The following MYB variants were observed in gnomAD, a reference collection of about 807,000 sequenced individuals.
The protein encoded by MYB is transcriptional activator Myb.
Under a neutral mutation model 92.9 loss-of-function variants are expected in MYB, and 28 were observed. The ratio of observed to expected loss-of-function variants is 0.30; its 90% CI spans 0.22 to 0.41. The LOEUF (loss-of-function observed/expected upper bound fraction) is 0.41. Among genes scored for constraint, MYB ranks in the 10% least tolerant of loss-of-function variants. MYB has a pLI of 1.00. For missense variants in MYB, 679 were observed against 929.3 expected (o/e 0.73, Z 3.50); for synonymous variants, 295 against 329.1 (o/e 0.90, Z 1.12).
chr6:135,216,881 C>G (rs928877265), intron 15 of MYB, among the ~76,000 whole-genome samples: 2 of 152,186 alleles, frequency 1.3e-5, no homozygotes, highest in African/African-American at 4.8e-5. Flanking sequence ...CACCACTTAC[C>G]TACAGAGTGG....
At chr6:135,186,050 A>G in intron 2 of MYB, 30 bp downstream of exon 2, 3 of 1,580,572 alleles carry the variant, frequency 1.9e-6, no homozygotes, top group Non-Finnish European at 2.6e-6. Flanking sequence ...AGACGCAGAA[A>G]ATAGATAGAG....
At chr6:135,184,448 C>G (rs1775659133) in intron 1 of MYB, among the ~76,000 whole-genome samples, 1 of 149,044 alleles carries the variant, frequency 6.7e-6, no homozygotes, top group Admixed American at 6.8e-5. Context: ...TTTCAAAACA[C>G]AGACACTAAA....
In MYB at chr6:135,217,933, G is replaced by A; in HGVS notation, c.2239G>A (p.Ala747Thr). The A allele has an allele frequency of 1.2e-6, 2 of 1,613,552 alleles. No homozygotes were observed. The highest frequency in any genetic ancestry group is 1.7e-6 in the Non-Finnish European group (2 of 1,179,594). ...MEEQMTSSSQ[A>T]RKYVNAFSAR... ...GGAGCAGATGACATCTTCCAGTCAAGCTCGTAAATACGTGAATGCATTCTC... is the reference window on the plus strand; with the variant it reads ...GGAGCAGATGACATCTTCCAGTCAAACTCGTAAATACGTGAATGCATTCTC... Residue 747 changes from alanine (A) to threonine (T), a missense_variant, in exon 16 of 16, where the codon GCT becomes ACT. Coordinates refer to ENST00000341911, the MANE Select transcript of MYB (RefSeq NM_001130173.2).
At chr6:135,198,333 G>A (rs535812903) in intron 10 of MYB, among the ~76,000 whole-genome samples, 13 of 152,240 alleles carry the variant, frequency 8.5e-5, no homozygotes, top group African/African-American at 2.4e-4. Context: ...ATATGCCGTT[G>A]TGCCTTGTGA....
rs772692025 is a variant in MYB at position 135,187,847 on chromosome 6, A to G, written c.155A>G (p.Lys52Arg). The change falls in exon 3 of 16, where the codon AAG (lysine) becomes AGG (arginine). Residue 52 changes from lysine to arginine, a missense_variant. This residue lies in a region of MYB where 88 missense variants were observed against 145.6 expected (regional missense o/e 0.60). Coordinates refer to ENST00000341911, the MANE Select transcript of MYB (RefSeq NM_001130173.2). Reference protein sequence around the residue: ...RWTREEDEKLKKLVEQNGTDD... With the variant: ...RWTREEDEKLRKLVEQNGTDD... ...TAAATGTCTTAGGATGAAAAACTGA[A>G]GAAGCTGGTGGAACAGAATGGAACA... is the stretch of plus-strand genomic sequence containing the variant. 2 of 1,608,104 alleles carry G rather than the reference A, an allele frequency of 1.2e-6. No homozygotes were observed.
chr6:135,184,567 A>G (rs9494173), intron 1 of MYB, among the ~76,000 whole-genome samples: 7,751 of 152,040 alleles, frequency 0.051, 675 homozygotes, highest in African/African-American at 0.18. Context: ...CTGGACTATC[A>G]GATTGTTGCT....
chr6:135,211,747 G>A (rs2128318534), intron 15 of MYB, among the ~76,000 whole-genome samples: 1 of 152,308 alleles, frequency 6.6e-6, no homozygotes. Flanking sequence ...GCAATTGTTA[G>A]TTAGGCTTGG....
chr6:135,210,882 C>T (rs1779613051), intron 15 of MYB, among the ~76,000 whole-genome samples: 1 of 152,106 alleles, frequency 6.6e-6, no homozygotes, highest in Non-Finnish European at 1.5e-5. Context: ...AGGCAAGGAG[C>T]CCTCACCAAA....
chr6:135,195,331 C>CTCGGTGGTCGCCGCATCATTAA, intron 8 of MYB: 1 of 254,514 alleles, frequency 3.9e-6, no homozygotes, highest in South Asian at 4.6e-5. Context: ...ATGTGTAGAT[C>CTCGGTGGTCGCCGCATCATTAA]AAAGCAACTC....
rs540205784 is a variant in MYB at position 135,195,798 on chromosome 6, C to T, written c.999C>T (p.Ala333=). The T allele has an allele frequency of 5.6e-6, 9 of 1,614,186 alleles. No homozygotes were observed. The highest frequency in any genetic ancestry group is 1.3e-5 in the African/African-American group (1 of 75,048). Residue 333 remains alanine (A), a synonymous_variant, in exon 9 of 16, where the codon GCC becomes GCT. Coordinates refer to ENST00000341911, the MANE Select transcript of MYB (RefSeq NM_001130173.2). ...SYPGWHSTTI[A]DHTRPHGDSA... is the part of the protein sequence containing the mutation. ...CCGGGTGGCACAGCACCACCATTGCCGACCACACCAGACCTCATGGAGACA... is the reference window on the plus strand; with the variant it reads ...CCGGGTGGCACAGCACCACCATTGCTGACCACACCAGACCTCATGGAGACA...
At position 135,182,747 on chromosome 6, in the gene MYB, C is replaced by A. The variant is rs1042972739; in HGVS notation, c.23+1211C>A. 2.0e-5 allele frequency among the ~76,000 whole-genome samples: 3 copies of A among 152,138 alleles called. No individual in the cohort carries two copies. Among genetic ancestry groups the A allele is most frequent in the African/African-American group, 7.2e-5 (3 of 41,450 alleles). ...TTTCTCCTACTGGTTTGTTGTTGAG[C>A]CTGCGGGCGCTGGTCCCCGCGCGGC... On this transcript the variant is annotated intron_variant, in intron 1 of 15. Transcript: ENST00000341911. The surrounding 1 kb of genome is among the most constrained non-coding windows in gnomAD (Gnocchi z 5.6).
chr6:135,195,117 A>C (rs1777128023), intron 8 of MYB: 1 of 1,246,378 alleles, frequency 8.0e-7, no homozygotes, highest in South Asian at 1.3e-5. Context: ...TTTTTTGTTA[A>C]ATAATAAGAT....
At chr6:135,212,625 C>T (rs55666563) in intron 15 of MYB, among the ~76,000 whole-genome samples, 1 of 152,104 alleles carries the variant, frequency 6.6e-6, no homozygotes, top group East Asian at 1.9e-4. Context: ...GATGACTCCC[C>T]GGCCACAGGA....
At chr6:135,199,215 T>C (rs1001133971) in intron 11 of MYB, among the ~76,000 whole-genome samples, 165 bp downstream of exon 11, 1 of 152,192 alleles carries the variant, frequency 6.6e-6, no homozygotes, top group African/African-American at 2.4e-5. Context: ...CCTGGGCATA[T>C]TACAACTACC....
rs1775131181 is a variant in MYB, at chr6:135,182,043, A to T, written c.23+507A>T. On this transcript the variant is annotated intron_variant, in intron 1 of 15. Coordinates refer to ENST00000341911, the MANE Select transcript of MYB (RefSeq NM_001130173.2). The surrounding 1 kb of genome is among the most constrained non-coding windows in gnomAD (Gnocchi z 5.6). ...ATTTCATTCATTCTTTATGGAGGCG[A>T]GGACCAGTGTCAGCTGACAGGCGGC... 6.6e-6 allele frequency among the ~76,000 whole-genome samples: 1 copy of T among 152,210 alleles called. No individual in the cohort carries two copies. The highest frequency in any genetic ancestry group is 2.4e-5 in the African/African-American group (1 of 41,456).
Position 135,212,113 on chromosome 6 carries a change from A to G in MYB, c.2170-5751A>G, listed in dbSNP as rs531756353. Among the ~76,000 whole-genome samples, 6 of 152,174 alleles carry G rather than the reference A, an allele frequency of 3.9e-5. No individual in the cohort carries two copies. In the South Asian group the frequency reaches 1.2e-3, roughly 32 times the overall value. On this transcript the variant is annotated intron_variant, in intron 15 of 15. Coordinates refer to ENST00000341911, the MANE Select transcript of MYB (RefSeq NM_001130173.2). ...TTTTTTTTCAGATAGGTGAAATAGA[A>G]TAAGCAGAAAATTCTTATTTTTTAC...
At chr6:135,183,006 GTTTTTTTTT>G (rs3071602) in intron 1 of MYB, among the ~76,000 whole-genome samples, 1 of 92,440 alleles carries the variant, frequency 1.1e-5, no homozygotes, top group Non-Finnish European at 2.1e-5. Flanking sequence ...GGGGTCATCT[GTTTTTTTTT>G]TTTTTTTTTT....
chr6:135,217,335 G>C (rs140659814), intron 15 of MYB, among the ~76,000 whole-genome samples: 1 of 150,782 alleles, frequency 6.6e-6, no homozygotes, highest in Non-Finnish European at 1.5e-5. Flanking sequence ...CACCAATACC[G>C]ATCAGCCTGG....
Position 135,189,800 on chromosome 6 carries a change from G to A in MYB, c.223G>A (p.Asp75Asn). The A allele has an allele frequency of 6.2e-7, 1 of 1,613,934 alleles. No individual in the cohort carries two copies. Among genetic ancestry groups the A allele is most frequent in the South Asian group, 1.1e-5 (1 of 91,072 alleles). ...TACTTTATTTGTCTAGAATCGAACA[G>A]ATGTGCAGTGCCAGCACCGATGGCA... ...VIANYLPNRT[D>N]VQCQHRWQKV... The change falls in exon 4 of 16, where the codon GAT becomes AAT. Residue 75 changes from aspartate to asparagine, a missense_variant. Around this residue, in one of 8 missense-constraint regions of MYB, gnomAD observed 88 missense variants for 145.6 expected, o/e 0.60. Coordinates refer to ENST00000341911, the MANE Select transcript of MYB (RefSeq NM_001130173.2).
Sources: allele counts gnomAD v4.1 joint callset (sites outside exome capture counted in the v4.1 genomes callset), GRCh38; gene constraint gnomAD v4.1.1; regional missense constraint gnomAD v4.1.1; non-coding constraint Gnocchi (gnomAD v3.1); transcripts MANE v1.5; gene names NCBI Gene and HGNC (gene_info 2026-07-23, HGNC 2026-07-21).